WDR48: variants seen among roughly 807,000 people sequenced by gnomAD.
WDR48 encodes the protein WD repeat domain 48.
WDR48 carries 22 observed loss-of-function variants against 94.0 expected under a neutral mutation model. The observed-to-expected ratio is 0.23, with a 90% confidence interval of 0.17 to 0.33. The LOEUF (loss-of-function observed/expected upper bound fraction) is 0.33, where lower values mean the gene tolerates loss of function less well. Among genes scored for constraint, WDR48 ranks in the 10% least tolerant of loss-of-function variants. The pLI, the probability that WDR48 is intolerant of heterozygous loss-of-function variation, is 1.00. For missense variants in WDR48, 541 were observed against 813.8 expected (o/e 0.66, Z 4.08); for synonymous variants, 278 against 280.5 (o/e 0.99, Z 0.09).
chr3:39,063,170 T>C lies in WDR48; in HGVS notation c.169T>C (p.Trp57Arg), dbSNP rs776436353. The part of the protein sequence containing the change: ...TAGRDSIIRI[W>R]SVNQHKQDPY... ...CGGTCGAGACTCTATCATAAGAATA[T>C]GGAGTGTCAATCAGCACAAGGTAAT... The change falls in exon 2 of 19, where the codon TGG becomes CGG. Residue 57 changes from tryptophan to arginine, a missense_variant. Around this residue, in one of 5 missense-constraint regions of WDR48, gnomAD observed 90 missense variants for 122.3 expected, o/e 0.74. Coordinates refer to ENST00000302313, the MANE Select transcript of WDR48 (RefSeq NM_020839.4). The C allele has an allele frequency of 6.2e-7, 1 of 1,614,138 alleles. No individual in the cohort carries two copies. The highest frequency in any genetic ancestry group is 1.7e-5 in the Admixed American group (1 of 60,034).
At chr3:39,065,292 T>C (rs1256975020) in intron 2 of WDR48, among the ~76,000 whole-genome samples, 1 of 152,150 alleles carries the variant, frequency 6.6e-6, no homozygotes, top group African/African-American at 2.4e-5. Context: ...GAGGAAAACA[T>C]TTAATTCAGA....
intron 16 of WDR48, chr3:39,091,175 G>A (rs569713989): frequency 6.5e-6 from 1 of 153,264 alleles, no homozygotes; most frequent in Non-Finnish European, 1.5e-5. Context: ...AAGAAAATGG[G>A]AGGACTTTGA....
intron 14 of WDR48, among the ~76,000 whole-genome samples, chr3:39,085,823 T>C (rs556819352): frequency 6.6e-6 from 1 of 150,810 alleles, no homozygotes; most frequent in East Asian, 1.9e-4. Flanking sequence ...ATATGGCTTT[T>C]AGTGAGACTG....
intron 16 of WDR48, 132 bp from the exon 17 acceptor site, chr3:39,091,493 C>CTA: frequency 1.5e-6 from 1 of 679,468 alleles, no homozygotes; most frequent in Non-Finnish European, 2.4e-6. Flanking sequence ...TGATAGCTTA[C>CTA]TATACATTTC....
intron 1 of WDR48, among the ~76,000 whole-genome samples, chr3:39,055,833 C>T (rs1006080243): frequency 6.6e-6 from 1 of 152,102 alleles, no homozygotes; most frequent in Non-Finnish European, 1.5e-5. Context: ...CAGTGCTTCA[C>T]AGTGCTTGGG....
Position 39,094,826 on chromosome 3 carries a change from C to T in WDR48, c.*83C>T. 2.6e-6 allele frequency: 4 copies of T among 1,529,044 alleles called. No homozygotes were observed. The South Asian group carries it at 3.6e-5, about 14-fold the overall frequency. 94.7% of individuals were successfully genotyped at this position (1,529,044 alleles called of 1,614,324 possible). A position where few individuals can be genotyped will look rare whatever the true frequency, so the allele number is the denominator to read the frequency against. ...TAGTCCTAGGAAGCCCACTGATCCC[C>T]AACGGGAGCAAGACTTCTAACGGCT... On this transcript the variant is annotated 3_prime_UTR_variant, in exon 19 of 19. Coordinates refer to ENST00000302313, the MANE Select transcript of WDR48 (RefSeq NM_020839.4).
chr3:39,055,540 A>C (rs1315010580), intron 1 of WDR48, among the ~76,000 whole-genome samples: 2 of 152,208 alleles, frequency 1.3e-5, no homozygotes, highest in African/African-American at 4.8e-5. Flanking sequence ...AACATACTGC[A>C]TATTAATTGT....
rs187288882 is a variant in WDR48 at position 39,055,307 on chromosome 3, C to T, written c.48+3234C>T. On this transcript the variant is annotated intron_variant, in intron 1 of 18. Coordinates refer to ENST00000302313, the MANE Select transcript of WDR48 (RefSeq NM_020839.4). ...TTCGAGACCAGCCTGGCCAACATGGCGAAATCCCGTCTCTACTAAAAATAT... is the reference window on the plus strand; with the variant it reads ...TTCGAGACCAGCCTGGCCAACATGGTGAAATCCCGTCTCTACTAAAAATAT... Among the ~76,000 whole-genome samples, 56 of 152,144 alleles carry T rather than the reference C, an allele frequency of 3.7e-4. No individual in the cohort carries two copies. In the East Asian group the frequency reaches 5.8e-3, roughly 16 times the overall value.
chr3:39,093,815 G>T, intron 17 of WDR48, 59 bp from the exon 18 acceptor site: 1 of 1,390,344 alleles, frequency 7.2e-7, no homozygotes, highest in East Asian at 2.6e-5. Context: ...AAAATAATAT[G>T]GAATAAATAA....
chr3:39,057,183 G>A (rs2032943787), intron 1 of WDR48, among the ~76,000 whole-genome samples: 1 of 152,178 alleles, frequency 6.6e-6, no homozygotes, highest in Non-Finnish European at 1.5e-5. Context: ...ATTAAAAATA[G>A]GGATGTATCT....
In WDR48 at chr3:39,095,890, A is replaced by T. The variant is rs1422787413; in HGVS notation, c.*1147A>T. On this transcript the variant is annotated 3_prime_UTR_variant, in exon 19 of 19. Coordinates refer to ENST00000302313, the MANE Select transcript of WDR48 (RefSeq NM_020839.4). ...ATTCTCCCCAAGGTCATTTGTATTCAGAGTAAATCAGTGGTCCACCCCCAT... is the reference window on the plus strand; with the variant it reads ...ATTCTCCCCAAGGTCATTTGTATTCTGAGTAAATCAGTGGTCCACCCCCAT... 1 of 152,626 alleles carries T rather than the reference A, an allele frequency of 6.6e-6. No individual in the cohort carries two copies. The highest frequency in any genetic ancestry group is 2.4e-5 in the African/African-American group (1 of 41,432). The allele number at this position is 152,626 out of a possible 1,614,324, so 9.5% of individuals were successfully genotyped here.
At chr3:39,094,374 A>G (rs2035234541) in intron 18 of WDR48, 7 of 1,463,060 alleles carry the variant, frequency 4.8e-6, no homozygotes, top group African/African-American at 1.4e-5. Context: ...GAGAAATGGC[A>G]GAACTGTTTT....
chr3:39,070,657 C>A (rs1386577784), intron 7 of WDR48, among the ~76,000 whole-genome samples: 1 of 150,728 alleles, frequency 6.6e-6, no homozygotes, highest in Non-Finnish European at 1.5e-5. Context: ...TTTAAAGATA[C>A]CTGTGGAGGT....
intron 7 of WDR48, among the ~76,000 whole-genome samples, chr3:39,072,056 C>T (rs1488209155): frequency 6.6e-6 from 1 of 152,132 alleles, no homozygotes; most frequent in Non-Finnish European, 1.5e-5. Flanking sequence ...ATATAGGGTA[C>T]CTGGTGGCTT....
chr3:39,068,768 T>C lies in WDR48; in HGVS notation c.482-3T>C, dbSNP rs1355016683. On this transcript the variant is annotated splice_region_variant and splice_polypyrimidine_tract_variant and intron_variant, in intron 5 of 18. Transcript: ENST00000302313. ...AACATTTAGCTCCGTTTATCCTCAA[T>C]AGCTTCTTCTTTAAGTGGAAACAAA... 2 of 1,601,652 alleles carry C rather than the reference T, an allele frequency of 1.2e-6. No homozygotes were observed. The highest frequency in any genetic ancestry group is 1.1e-5 in the South Asian group (1 of 89,286).
chr3:39,086,038 G>A (rs1420612975), intron 14 of WDR48, among the ~76,000 whole-genome samples: 1 of 152,138 alleles, frequency 6.6e-6, no homozygotes, highest in Non-Finnish European at 1.5e-5. Context: ...GTATTTCCTA[G>A]TCTCATGGCC....
chr3:39,068,550 G>A (rs4676481), intron 5 of WDR48, among the ~76,000 whole-genome samples: 72,811 of 152,026 alleles, frequency 0.48, 21,271 homozygotes, highest in African/African-American at 0.83. Flanking sequence ...TGGCACTGCA[G>A]TTTATCAGAT....
intron 1 of WDR48, among the ~76,000 whole-genome samples, chr3:39,059,162 A>G (rs1029682369): frequency 6.6e-6 from 1 of 152,078 alleles, no homozygotes; most frequent in African/African-American, 2.4e-5. Flanking sequence ...CCCTGAGGAG[A>G]ATGAGATCAG....
At chr3:39,065,264 A>G (rs889880815) in intron 2 of WDR48, among the ~76,000 whole-genome samples, 4 of 152,178 alleles carry the variant, frequency 2.6e-5, no homozygotes, top group Non-Finnish European at 4.4e-5. Flanking sequence ...TTCATCTCTG[A>G]AGGCCTGTAG....
Sources: allele counts gnomAD v4.1 joint callset (sites outside exome capture counted in the v4.1 genomes callset), GRCh38; gene constraint gnomAD v4.1.1; regional missense constraint gnomAD v4.1.1; transcripts MANE v1.5; gene names NCBI Gene and HGNC (gene_info 2026-07-23, HGNC 2026-07-21).